Variants in CCDC102B observed in about 807,000 individuals in gnomAD.
The protein encoded by CCDC102B is coiled-coil domain-containing protein 102B.
Under a neutral mutation model 57.4 loss-of-function variants are expected in CCDC102B, and 75 were observed. That is an observed-to-expected ratio of 1.31 (90% confidence interval 1.08 to 1.58). The LOEUF (loss-of-function observed/expected upper bound fraction) is 1.58. Ranked by LOEUF, CCDC102B falls within the 40% of genes most tolerant of loss-of-function variation. CCDC102B has a pLI of 0.00. For missense variants in CCDC102B, 636 were observed against 582.6 expected, an observed-to-expected ratio of 1.09 and a Z score of -0.94; for synonymous variants, 206 against 201.9, an observed-to-expected ratio of 1.02 and a Z score of -0.17.
At chr18:68,892,604 G>A (rs923334184) in intron 5 of CCDC102B, among the ~76,000 whole-genome samples, 3 of 152,134 alleles carry the variant, frequency 2.0e-5, no homozygotes, top group African/African-American at 7.2e-5. Flanking sequence ...TGGCTTGAGA[G>A]AGTGAGATTT....
intron 2 of CCDC102B, 95 bp from the exon 3 acceptor site, chr18:68,838,611 G>A: frequency 3.4e-6 from 5 of 1,489,234 alleles, no homozygotes; most frequent in Non-Finnish European, 4.5e-6. Context: ...TGAATTGGTT[G>A]TGGTATCGTA....
At chr18:68,724,650 G>T (rs1297118721) in intron 2 of CCDC102B, among the ~76,000 whole-genome samples, 1 of 152,052 alleles carries the variant, frequency 6.6e-6, no homozygotes, top group Non-Finnish European at 1.5e-5. Flanking sequence ...TTCATTTTCC[G>T]TATCACTATC....
chr18:68,956,215 A>G (rs1450105104), intron 6 of CCDC102B, among the ~76,000 whole-genome samples: 1 of 149,054 alleles, frequency 6.7e-6, no homozygotes, highest in Non-Finnish European at 1.5e-5. Flanking sequence ...CCATCTGTTT[A>G]TGGATGTTAA....
At chr18:69,012,478 A>C (rs2145397574) in intron 7 of CCDC102B, among the ~76,000 whole-genome samples, 1 of 152,146 alleles carries the variant, frequency 6.6e-6, no homozygotes, top group African/African-American at 2.4e-5. Context: ...GGGTAACATT[A>C]TTTGTTCCTC....
intron 5 of CCDC102B, among the ~76,000 whole-genome samples, chr18:68,877,405 C>T (rs2039491264): frequency 6.6e-6 from 1 of 152,168 alleles, no homozygotes; most frequent in South Asian, 2.1e-4. Flanking sequence ...AATATGATGC[C>T]ATCCAGCTCT....
At chr18:68,797,748 C>T, upstream of CCDC102B, among the ~76,000 whole-genome samples, 1 of 135,346 alleles carries the variant, frequency 7.4e-6, no homozygotes, top group African/African-American at 2.7e-5. Context: ...CAGATAGGTA[C>T]TTCCTGGGCT....
At chr18:68,972,199 C>A (rs2050318669) in intron 6 of CCDC102B, among the ~76,000 whole-genome samples, 2 of 152,166 alleles carry the variant, frequency 1.3e-5, no homozygotes, top group African/African-American at 4.8e-5. Context: ...ACTCTTCGTC[C>A]TTGCTTCCTG....
intron 6 of CCDC102B, among the ~76,000 whole-genome samples, chr18:68,995,524 G>GC (rs2051000784): frequency 6.6e-6 from 1 of 152,096 alleles, no homozygotes; most frequent in Non-Finnish European, 1.5e-5. Context: ...TACAGCTCAG[G>GC]CCATTGCTTG....
At chr18:68,878,824 CA>C (rs1323911257) in intron 5 of CCDC102B, among the ~76,000 whole-genome samples, 2 of 152,210 alleles carry the variant, frequency 1.3e-5, no homozygotes, top group Admixed American at 6.5e-5. Flanking sequence ...ACAGAACTAT[CA>C]AAAAAACTAG....
At chr18:69,009,346 G>T (rs649466) in intron 6 of CCDC102B, among the ~76,000 whole-genome samples, 1 of 151,932 alleles carries the variant, frequency 6.6e-6, no homozygotes, top group African/African-American at 2.4e-5. Context: ...TCATCACAAG[G>T]TTCCCTTTAA....
intron 2 of CCDC102B, chr18:68,753,218 T>A (rs994582809): frequency 1.1e-4 from 17 of 152,182 alleles, no homozygotes; most frequent in Admixed American, 7.9e-4. Flanking sequence ...TCTTAAGTGA[T>A]CAATGAGTGC....
chr18:68,947,700 G>A (rs1356987781), intron 6 of CCDC102B, among the ~76,000 whole-genome samples: 2 of 152,008 alleles, frequency 1.3e-5, no homozygotes, highest in African/African-American at 4.8e-5. Context: ...TTTTTATTCT[G>A]CAAGGAGAGC....
intron 6 of CCDC102B, among the ~76,000 whole-genome samples, chr18:68,928,051 G>A (rs960359271): frequency 2.6e-5 from 4 of 151,850 alleles, no homozygotes; most frequent in African/African-American, 9.7e-5. Flanking sequence ...ATCTGTTAGA[G>A]GTGTGAACTT....
chr18:68,934,978 C>T (rs190387431), intron 6 of CCDC102B, among the ~76,000 whole-genome samples: 6 of 151,892 alleles, frequency 4.0e-5, no homozygotes, highest in African/African-American at 7.2e-5. Context: ...GGGTAGGTGG[C>T]GGTGAGTCCT....
chr18:69,052,694 G>T (rs1215773826), intron 7 of CCDC102B, among the ~76,000 whole-genome samples: 1 of 151,758 alleles, frequency 6.6e-6, no homozygotes, highest in Non-Finnish European at 1.5e-5. Context: ...TAACCAGAAA[G>T]TCGTGCGGTG....
intron 6 of CCDC102B, among the ~76,000 whole-genome samples, chr18:68,933,239 C>T (rs1056137197): frequency 2.0e-5 from 3 of 151,918 alleles, no homozygotes; most frequent in African/African-American, 7.2e-5. Flanking sequence ...ACAATGACTC[C>T]AGCACAAATC....
At chr18:68,945,122 C>CCACACACACACACA (rs34611934) in intron 6 of CCDC102B, among the ~76,000 whole-genome samples, 34,972 of 143,634 alleles carry the variant, frequency 0.24, 4,718 homozygotes, top group Non-Finnish European at 0.3. Context: ...CTCTCTCTCT[C>CCACACACACACACA]CACACACACA....
chr18:68,877,374 T>G (rs2035452468), intron 5 of CCDC102B, among the ~76,000 whole-genome samples: 1 of 152,220 alleles, frequency 6.6e-6, no homozygotes, highest in African/African-American at 2.4e-5. Context: ...GTTTAACACC[T>G]TCAAGCTACT....
chr18:68,958,083 A>ATG (rs779061198), intron 6 of CCDC102B, among the ~76,000 whole-genome samples: 156 of 152,004 alleles, frequency 1.0e-3, no homozygotes, highest in Non-Finnish European at 7.8e-4. Flanking sequence ...AAGAGAAGAG[A>ATG]GCTAGTGCAG....
Sources: allele counts gnomAD v4.1 joint callset (sites outside exome capture counted in the v4.1 genomes callset), GRCh38; gene constraint gnomAD v4.1.1; transcripts MANE v1.5; gene names NCBI Gene and HGNC (gene_info 2026-07-23, HGNC 2026-07-21).